Variants in DBNL observed in about 807,000 individuals in gnomAD.
DBNL encodes drebrin-like protein.
In DBNL, 35 loss-of-function variants were observed where a neutral mutation model predicts 62.2. The observed-to-expected ratio is 0.56, with a 90% CI of 0.43 to 0.75. The LOEUF (loss-of-function observed/expected upper bound fraction) is 0.75, where lower values mean the gene tolerates loss of function less well. Ranked by LOEUF, DBNL falls within the 30% of genes least tolerant of loss-of-function variation. The probability of loss-of-function intolerance (pLI) is 0.00; values close to 1 mark genes in which losing one functional copy is unlikely to be tolerated. For missense variants in DBNL, 495 were observed against 578.4 expected (o/e 0.86, Z 1.48); for synonymous variants, 197 against 218.0 (o/e 0.90, Z 0.85).
At position 44,065,271 on chromosome 7, in the gene DBNL, G is replaced by C. The variant is rs1129638; in HGVS notation, c.*4355G>C. ...AGGCCCCCGTAATGCCGCTCATTGAGGCGCCAAGTGCGCACCACAGGCAGC... is the reference window on the plus strand; with the variant it reads ...AGGCCCCCGTAATGCCGCTCATTGACGCGCCAAGTGCGCACCACAGGCAGC... On this transcript the variant is annotated 3_prime_UTR_variant, in exon 13 of 13. Coordinates refer to ENST00000448521, the MANE Select transcript of DBNL (RefSeq NM_001014436.3). 4 of 1,613,722 alleles carry C rather than the reference G, an allele frequency of 2.5e-6. No individual in the cohort carries two copies. In the South Asian group the frequency reaches 4.4e-5, roughly 18 times the overall value.
Position 44,062,529 on chromosome 7 carries a change from C to T in DBNL, c.*1613C>T, listed in dbSNP as rs778002769. ...TCTGAAGCTTCAGGGTCACCACAGG[C>T]TTGTCCTGACTGCAAACTCATGGAG... On this transcript the variant is annotated 3_prime_UTR_variant, in exon 13 of 13. Coordinates refer to ENST00000448521, the MANE Select transcript of DBNL (RefSeq NM_001014436.3). 316 of 571,062 alleles carry T rather than the reference C, an allele frequency of 5.5e-4. No individual in the cohort carries two copies. Among genetic ancestry groups the T allele is most frequent in the Admixed American group, 1.1e-3 (36 of 33,646 alleles). The allele number at this position is 571,062 out of a possible 1,614,324, so 35.4% of individuals were successfully genotyped here. A position where few individuals can be genotyped will look rare whatever the true frequency, so the allele number is the denominator to read the frequency against.
rs2096155341 is a variant in DBNL, at chr7:44,064,550, G to A, written c.*3634G>A. ...CTAAGCCCAGCCCTTCCGTTTCCTA[G>A]CTGGGTGTCCCTTGGCAGATGCCAC... On this transcript the variant is annotated 3_prime_UTR_variant, in exon 13 of 13. Coordinates refer to ENST00000448521, the MANE Select transcript of DBNL (RefSeq NM_001014436.3). 1 of 494,490 alleles carries A rather than the reference G, an allele frequency of 2.0e-6. No homozygotes were observed. The allele number at this position is 494,490 out of a possible 1,614,324, so 30.6% of individuals were successfully genotyped here.
In DBNL at chr7:44,063,028, C is replaced by T; in HGVS notation, c.*2112C>T. On this transcript the variant is annotated 3_prime_UTR_variant, in exon 13 of 13. Transcript: ENST00000448521. ...TTTATGGTCCACAGAGCCAGTTCCC[C>T]TGGCACCAATTCCTTCCCAGCCCTG... 7.6e-7 allele frequency: 1 copy of T among 1,317,340 alleles called. No individual in the cohort carries two copies. The highest frequency in any genetic ancestry group is 1.1e-6 in the Non-Finnish European group (1 of 914,054). The allele number at this position is 1,317,340 out of a possible 1,614,324, so 81.6% of individuals were successfully genotyped here.
In DBNL at chr7:44,059,466, C is replaced by A; in HGVS notation, c.931+17C>A. ...CCAGGGCAGGCAAGGCGCTTGTCAC[C>A]CCATGGGGACCCTGGGGGACAGCAG... On this transcript the variant is annotated intron_variant, in intron 10 of 12. Transcript: ENST00000448521. The surrounding 1 kb of genome is among the most constrained non-coding windows in gnomAD (Gnocchi z 4.1). The A allele has an allele frequency of 1.2e-6, 2 of 1,613,864 alleles. No individual in the cohort carries two copies. The highest frequency in any genetic ancestry group is 1.7e-6 in the Non-Finnish European group (2 of 1,179,928).
chr7:44,056,629 G>A (rs954172448), intron 4 of DBNL, 128 bp from the exon 5 acceptor site: 8 of 1,320,388 alleles, frequency 6.1e-6, no homozygotes, highest in Non-Finnish European at 8.1e-6. Flanking sequence ...AGCCAGACAG[G>A]TGCCTTCTAG....
At chr7:44,055,247 C>T (rs2096134168) in intron 4 of DBNL, among the ~76,000 whole-genome samples, 1 of 152,184 alleles carries the variant, frequency 6.6e-6, no homozygotes, top group Non-Finnish European at 1.5e-5. Flanking sequence ...GAACAGATTA[C>T]CTGAGGTCAG....
chr7:44,053,918 T>G (rs141574506), intron 4 of DBNL, among the ~76,000 whole-genome samples: 1 of 152,026 alleles, frequency 6.6e-6, no homozygotes, highest in South Asian at 2.1e-4. Context: ...CCTCGTGATT[T>G]GCCCGCCTTG....
In DBNL at chr7:44,064,965, C is replaced by T; in HGVS notation, c.*4049C>T. On this transcript the variant is annotated 3_prime_UTR_variant, in exon 13 of 13. Coordinates refer to ENST00000448521, the MANE Select transcript of DBNL (RefSeq NM_001014436.3). ...CCCGGGCAATGGTGTCCTTGAGGCT[C>T]TCGCAGGTGGGGAGTTCCCCGGGCT... The T allele has an allele frequency of 6.2e-7, 1 of 1,608,162 alleles. No individual in the cohort carries two copies.
intron 1 of DBNL, among the ~76,000 whole-genome samples, chr7:44,049,300 G>T (rs982879127): frequency 5.3e-5 from 8 of 152,164 alleles, no homozygotes; most frequent in African/African-American, 1.9e-4. Context: ...GGGACTACAG[G>T]TGCCTGCTGC....
intron 4 of DBNL, among the ~76,000 whole-genome samples, chr7:44,054,025 C>G (rs2096131522): frequency 6.6e-6 from 1 of 152,136 alleles, no homozygotes; most frequent in Non-Finnish European, 1.5e-5. Flanking sequence ...AGGAAATGTT[C>G]ATTGGAGCAG....
Position 44,063,423 on chromosome 7 carries a change from A to T in DBNL, c.*2507A>T, listed in dbSNP as rs1009779845. The T allele has an allele frequency of 1.5e-5, 3 of 200,006 alleles. No homozygotes were observed. Among genetic ancestry groups the T allele is most frequent in the Middle Eastern group, 2.2e-3 (1 of 458 alleles). The allele number at this position is 200,006 out of a possible 1,614,324, so 12.4% of individuals were successfully genotyped here. ...CAGCCTCCCAAGTAGCTGGGATTAC[A>T]GGTGAGCGCCACCACACCCGGCTAA... is the stretch of plus-strand genomic sequence containing the variant. On this transcript the variant is annotated 3_prime_UTR_variant, in exon 13 of 13. Transcript: ENST00000448521.
chr7:44,048,251 C>A (rs574845609), intron 1 of DBNL, among the ~76,000 whole-genome samples: 1 of 152,342 alleles, frequency 6.6e-6, no homozygotes, highest in East Asian at 1.9e-4. Flanking sequence ...GAGCTGCCAT[C>A]TTCTGTTACC....
intron 3 of DBNL, among the ~76,000 whole-genome samples, 199 bp from the exon 4 acceptor site, chr7:44,052,668 A>T (rs1373518796): frequency 6.6e-6 from 1 of 152,046 alleles, no homozygotes; most frequent in Non-Finnish European, 1.5e-5. Flanking sequence ...GCCGGTAGCC[A>T]TCCTGCCCAG....
chr7:44,061,672 G>A lies in DBNL; in HGVS notation c.*756G>A, dbSNP rs1453152909. The A allele has an allele frequency of 6.6e-6, 1 of 152,384 alleles. No homozygotes were observed. Among genetic ancestry groups the A allele is most frequent in the Non-Finnish European group, 1.5e-5 (1 of 68,126 alleles). The allele number at this position is 152,384 out of a possible 1,614,324, so 9.4% of individuals were successfully genotyped here. On this transcript the variant is annotated 3_prime_UTR_variant, in exon 13 of 13. Transcript: ENST00000448521. ...TTGTCTTCCCCTATTTTCTGTCCCA[G>A]CTCATCCGTGTCTCTGAAGAACAAA... is the stretch of plus-strand genomic sequence containing the variant.
Position 44,065,902 on chromosome 7 carries a change from C to T in DBNL, c.*4986C>T, listed in dbSNP as rs192111018. 1.6e-5 allele frequency: 6 copies of T among 384,890 alleles called. No individual in the cohort carries two copies. Among genetic ancestry groups the T allele is most frequent in the South Asian group, 9.7e-5 (4 of 41,394 alleles). 23.8% of individuals were successfully genotyped at this position (384,890 alleles called of 1,614,324 possible). ...GGGACAGAGGGGCTCTCCAGGGCAACGCTCAGTGGCCTATCAGCCATTCTC... is the reference window on the plus strand; with the variant it reads ...GGGACAGAGGGGCTCTCCAGGGCAATGCTCAGTGGCCTATCAGCCATTCTC... On this transcript the variant is annotated 3_prime_UTR_variant, in exon 13 of 13. Coordinates refer to ENST00000448521, the MANE Select transcript of DBNL (RefSeq NM_001014436.3).
Position 44,064,793 on chromosome 7 carries a change from G to GGCCCCCCCCCCCCCCCC in DBNL, c.*3877_*3878insGCCCCCCCCCCCCCCCC. 2.4e-5 allele frequency: 27 copies of GGCCCCCCCCCCCCCCCC among 1,136,882 alleles called. No homozygotes were observed. The highest frequency in any genetic ancestry group is 1.2e-4 in the East Asian group (5 of 40,034). 70.4% of individuals were successfully genotyped at this position (1,136,882 alleles called of 1,614,324 possible). ...AGATGAGAAGCCAGCTGGGGCTGCT[G>GGCCCCCCCCCCCCCCCC]CCCACCCACCCTGCCCAGGCTCCTG... On this transcript the variant is annotated 3_prime_UTR_variant, in exon 13 of 13. Transcript: ENST00000448521.
chr7:44,061,017 A>AC lies in DBNL; in HGVS notation c.*106dup. ...CATTCAGCACTCTTCCAGGAATAGG[A>AC]CCCCCAGTGAGGATGAGGCCTCAGG... On this transcript the variant is annotated 3_prime_UTR_variant, in exon 13 of 13. Transcript: ENST00000448521. The AC allele has an allele frequency of 6.8e-7, 1 of 1,463,594 alleles. No individual in the cohort carries two copies. The allele number at this position is 1,463,594 out of a possible 1,614,324, so 90.7% of individuals were successfully genotyped here. A position where few individuals can be genotyped will look rare whatever the true frequency, so the allele number is the denominator to read the frequency against.
Position 44,064,854 on chromosome 7 carries a change from C to A in DBNL, c.*3938C>A, listed in dbSNP as rs752446909. The A allele has an allele frequency of 6.2e-7, 1 of 1,609,686 alleles. No homozygotes were observed. The highest frequency in any genetic ancestry group is 1.1e-5 in the South Asian group (1 of 90,232). On this transcript the variant is annotated 3_prime_UTR_variant, in exon 13 of 13. Transcript: ENST00000448521. ...CACCTTCCAGGTGCTTGACAATGCCCCGCAGGCTGTTCCCGTGGGCTGCAA... is the reference window on the plus strand; with the variant it reads ...CACCTTCCAGGTGCTTGACAATGCCACGCAGGCTGTTCCCGTGGGCTGCAA...
chr7:44,047,764 G>A (rs933615264), intron 1 of DBNL, among the ~76,000 whole-genome samples: 5 of 152,040 alleles, frequency 3.3e-5, no homozygotes, highest in South Asian at 2.1e-4. Flanking sequence ...AACTTCCTTC[G>A]CCCTTCTTTC....
Sources: gnomAD v4.1 joint callset for allele counts (sites outside exome capture counted in the v4.1 genomes callset) on GRCh38, gnomAD v4.1.1 for gene constraint, Gnocchi (gnomAD v3.1) non-coding constraint, MANE v1.5 for transcripts, NCBI Gene and HGNC (gene_info 2026-07-23, HGNC 2026-07-21) for gene names.